The following SMG1 variants were observed in gnomAD, a reference collection of about 807,000 sequenced individuals.
SMG1 encodes the protein SMG1 nonsense mediated mRNA decay associated PI3K related kinase, also known as serine/threonine-protein kinase SMG1.
In SMG1, 22 loss-of-function variants were observed where a neutral mutation model predicts 419.9. That is an observed-to-expected ratio of 0.05 (90% CI 0.04 to 0.07). SMG1 has a LOEUF of 0.07. SMG1 is among the 10% of genes least tolerant of loss of function. SMG1 has a pLI of 1.00. For missense variants in SMG1, 3,185 were observed against 4,342.0 expected (o/e 0.73, Z 7.49); for synonymous variants, 1,538 against 1,553.5 (o/e 0.99, Z 0.23).
Position 18,870,842 on chromosome 16 carries a change from T to C in SMG1, c.2349A>G (p.Leu783=), listed in dbSNP as rs1393926689. Residue 783 remains leucine (L), a synonymous_variant, in exon 17 of 63, where the codon CTA becomes CTG. Transcript: ENST00000446231. ...VNICLQACSS[L]HALSSSLPDD... is the part of the protein sequence containing the mutation. ...CTGGCAAGGAAGAGGACAGAGCATG[T>C]AGACTGCTGCATGCCTGCAGACAGA... 4 of 1,588,764 alleles carry C rather than the reference T, an allele frequency of 2.5e-6. No homozygotes were observed. The highest frequency in any genetic ancestry group is 2.3e-5 in the South Asian group (2 of 87,424).
At chr16:18,888,981 C>A (rs963020093) in intron 6 of SMG1, among the ~76,000 whole-genome samples, 1 of 151,818 alleles carries the variant, frequency 6.6e-6, no homozygotes, top group African/African-American at 2.4e-5. Context: ...CACCACCACG[C>A]CTGGCTAATT....
chr16:18,835,213 C>T, intron 48 of SMG1, 49 bp from the exon 49 acceptor site: 1 of 1,535,676 alleles, frequency 6.5e-7, no homozygotes, highest in Non-Finnish European at 8.8e-7. Flanking sequence ...CCACCCCCAA[C>T]ATACAAAAGA....
chr16:18,831,790 T>TAC (rs1183248230), intron 51 of SMG1, among the ~76,000 whole-genome samples: 140 of 137,314 alleles, frequency 1.0e-3, no homozygotes, highest in Non-Finnish European at 1.3e-3. Flanking sequence ...TATATATATA[T>TAC]ACACACACAC....
intron 39 of SMG1, among the ~76,000 whole-genome samples, chr16:18,844,772 G>A (rs559464188): frequency 2.0e-5 from 3 of 152,168 alleles, no homozygotes; most frequent in Admixed American, 6.5e-5. Context: ...AATCAGTTAG[G>A]AGCAATAAAG....
rs1195158871 is a variant in SMG1, at chr16:18,926,153, G to C, written c.-112C>G. On this transcript the variant is annotated 5_prime_UTR_variant, in exon 1 of 63. Coordinates refer to ENST00000446231, the MANE Select transcript of SMG1 (RefSeq NM_015092.5). ...CCGGCCCGGGGCTGAGGAGGAAGCC[G>C]AGAAGGAGGAGGAGGAGGAGGAGGA... is the stretch of plus-strand genomic sequence containing the variant. 24 of 898,226 alleles carry C rather than the reference G, an allele frequency of 2.7e-5. No individual in the cohort carries two copies. In the South Asian group the frequency reaches 4.2e-4, roughly 16 times the overall value. The allele number at this position is 898,226 out of a possible 1,614,324, so 55.6% of individuals were successfully genotyped here. A position where few individuals can be genotyped will look rare whatever the true frequency, so the allele number is the denominator to read the frequency against.
intron 55 of SMG1, among the ~76,000 whole-genome samples, chr16:18,820,837 A>G (rs2032465010): frequency 6.6e-6 from 1 of 152,214 alleles, no homozygotes; most frequent in East Asian, 1.9e-4. Flanking sequence ...ATTAATTTAC[A>G]AAAACAAAAA....
At chr16:18,880,953 C>T (rs550777528) in intron 10 of SMG1, among the ~76,000 whole-genome samples, 3 of 145,830 alleles carry the variant, frequency 2.1e-5, no homozygotes, top group East Asian at 4.0e-4. Flanking sequence ...GATGGCACCA[C>T]CCCACTTTAA....
intron 2 of SMG1, among the ~76,000 whole-genome samples, chr16:18,896,482 T>A (rs1171933624): frequency 6.6e-6 from 1 of 152,230 alleles, no homozygotes; most frequent in East Asian, 1.9e-4. Flanking sequence ...AAAACTTTCT[T>A]GAAGTTTAGA....
rs759806283 is a variant in SMG1 at position 18,853,611 on chromosome 16, C to A, written c.4740G>T (p.Glu1580Asp). 1.2e-6 allele frequency: 2 copies of A among 1,606,728 alleles called. No homozygotes were observed. The highest frequency in any genetic ancestry group is 4.5e-5 in the East Asian group (2 of 44,740). Residue 1580 changes from glutamate to aspartate, a missense_variant, in exon 31 of 63, where the codon GAG (glutamate) becomes GAT (aspartate). Glu to Asp is a conservative substitution (Grantham distance 45). Transcript: ENST00000446231. The part of the protein sequence containing the change: ...ELPSVNTMEE[E>D]YPRIESESTV... ...TAGATTCACTCTCGATCCGAGGATA[C>A]TCTTCTTCCATCGTATTAACAGATG...
At chr16:18,922,004 CAATT>C (rs1329512787) in intron 1 of SMG1, among the ~76,000 whole-genome samples, 1 of 152,202 alleles carries the variant, frequency 6.6e-6, no homozygotes, top group Non-Finnish European at 1.5e-5. Flanking sequence ...ACCAATTACA[CAATT>C]AATGTCCTAA....
At chr16:18,922,975 T>G (rs1213650085) in intron 1 of SMG1, among the ~76,000 whole-genome samples, 1 of 152,134 alleles carries the variant, frequency 6.6e-6, no homozygotes, top group African/African-American at 2.4e-5. Flanking sequence ...CAGCTACTTG[T>G]GGATGCTGAG....
In SMG1 at chr16:18,829,253, G is replaced by A; in HGVS notation, c.9603+33C>T. 2 of 1,541,452 alleles carry A rather than the reference G, an allele frequency of 1.3e-6. 1 individual carries two copies. The highest frequency in any genetic ancestry group is 2.4e-5 in the South Asian group (2 of 84,282). On this transcript the variant is annotated intron_variant, in intron 54 of 62. Transcript: ENST00000446231. ...CCCCATTTTTCAAGTTTCCTACCTT[G>A]AGGAAAAACACATTATAAACAAAAA...
At position 18,804,967 on chromosome 16, in the gene SMG1, TG is replaced by T. The variant is rs1326143580; in HGVS notation, c.*4601del. On this transcript the variant is annotated 3_prime_UTR_variant, in exon 63 of 63. Coordinates refer to ENST00000446231, the MANE Select transcript of SMG1 (RefSeq NM_015092.5). The stretch of plus-strand genomic sequence containing the variant: ...AGGCATGTATTTGTTTTCCAAAAGA[TG>T]CATTATGAACATTTTCAGGAAGCTG... 3 of 152,822 alleles carry T rather than the reference TG, an allele frequency of 2.0e-5. No individual in the cohort carries two copies. Among genetic ancestry groups the T allele is most frequent in the African/African-American group, 7.2e-5 (3 of 41,602 alleles). 9.5% of individuals were successfully genotyped at this position (152,822 alleles called of 1,614,324 possible). A position where few individuals can be genotyped will look rare whatever the true frequency, so the allele number is the denominator to read the frequency against.
Position 18,848,045 on chromosome 16 carries a change from TAGG to T in SMG1, c.5624-15_5624-13del, listed in dbSNP as rs533302636. On this transcript the variant is annotated splice_polypyrimidine_tract_variant and intron_variant, in intron 36 of 62. Transcript: ENST00000446231. ...GGAAAATTTATTTCCTGTAATGAAA[TAGG>T]AGAACAAGGAATATTTTGAACATTT... 2.3e-4 allele frequency: 365 copies of T among 1,598,836 alleles called. 6 individuals carry two copies. The South Asian group carries it at 3.7e-3, about 16-fold the overall frequency.
At chr16:18,851,030 C>T (rs1231783738) in intron 33 of SMG1, among the ~76,000 whole-genome samples, 1 of 152,184 alleles carries the variant, frequency 6.6e-6, no homozygotes, top group Non-Finnish European at 1.5e-5. Context: ...GCTGGAATTA[C>T]AGGTGTGAGC....
intron 1 of SMG1, among the ~76,000 whole-genome samples, chr16:18,903,981 A>G (rs2037454759): frequency 7.7e-6 from 1 of 129,466 alleles, no homozygotes; most frequent in East Asian, 2.2e-4. Context: ...TCTGTCGCGC[A>G]GGCTGAAGTG....
rs1567401355 is a variant in SMG1 at position 18,870,906 on chromosome 16, A to G, written c.2303-18T>C. On this transcript the variant is annotated intron_variant, in intron 16 of 62. Coordinates refer to ENST00000446231, the MANE Select transcript of SMG1 (RefSeq NM_015092.5). ...AACGAGAGCTATTAAACATTAAAAG[A>G]CAGTTACTTTCAGCTGGCCAAAAGA... The G allele has an allele frequency of 2.4e-6, 3 of 1,256,292 alleles. No individual in the cohort carries two copies. Among genetic ancestry groups the G allele is most frequent in the South Asian group, 1.3e-5 (1 of 74,382 alleles). The allele number at this position is 1,256,292 out of a possible 1,614,324, so 77.8% of individuals were successfully genotyped here.
In SMG1 at chr16:18,864,057, C is replaced by A. The variant is rs1334567057; in HGVS notation, c.3438G>T (p.Val1146=). The change falls in exon 24 of 63, where the codon GTG becomes GTT. Residue 1146 remains valine (V), a synonymous_variant. Coordinates refer to ENST00000446231, the MANE Select transcript of SMG1 (RefSeq NM_015092.5). ...DCCISSFDKS[V]LTLANAGRNS... ...TACGCCCAGCATTGGCTAAGGTGAGCACCGATTTGTCAAAGCTGGAGATGC... is the reference window on the plus strand; with the variant it reads ...TACGCCCAGCATTGGCTAAGGTGAGAACCGATTTGTCAAAGCTGGAGATGC... 1 of 1,549,936 alleles carries A rather than the reference C, an allele frequency of 6.5e-7. No individual in the cohort carries two copies.
At position 18,854,003 on chromosome 16, in the gene SMG1, T is replaced by C. The variant is rs201903492; in HGVS notation, c.4484-136A>G. On this transcript the variant is annotated intron_variant, in intron 30 of 62. Coordinates refer to ENST00000446231, the MANE Select transcript of SMG1 (RefSeq NM_015092.5). ...GGTTTCAAACTCCTATGCTCAAGCATAGGAGGCTCCTACTGTCTTAGCCTC... is the reference window on the plus strand; with the variant it reads ...GGTTTCAAACTCCTATGCTCAAGCACAGGAGGCTCCTACTGTCTTAGCCTC... The C allele has an allele frequency of 6.0e-4, 117 of 195,380 alleles. 1 individual carries two copies. Among genetic ancestry groups the C allele is most frequent in the South Asian group, 3.7e-3 (52 of 14,232 alleles). The allele number at this position is 195,380 out of a possible 1,614,324, so 12.1% of individuals were successfully genotyped here.
Sources: gnomAD v4.1 joint callset for allele counts (sites outside exome capture counted in the v4.1 genomes callset) on GRCh38, gnomAD v4.1.1 for gene constraint, MANE v1.5 for transcripts, NCBI Gene and HGNC (gene_info 2026-07-23, HGNC 2026-07-21) for gene names.